The following CREB5 variants were observed in gnomAD, a reference collection of about 807,000 sequenced individuals.
CREB5 encodes cyclic AMP-responsive element-binding protein 5.
In CREB5, 19 loss-of-function variants were observed where a neutral mutation model predicts 57.1. The ratio of observed to expected loss-of-function variants is 0.33; its 90% confidence interval spans 0.23 to 0.49. CREB5 has a LOEUF of 0.49. Ranked by LOEUF, CREB5 falls within the 20% of genes least tolerant of loss-of-function variation. The pLI is 0.99. For synonymous variants in CREB5, 238 were observed against 238.3 expected, an observed-to-expected ratio of 1.00 and a Z score of 0.01; for missense variants, 579 against 671.6, an observed-to-expected ratio of 0.86 and a Z score of 1.52.
chr7:28,425,601 C>G (rs1421738346), intron 1 of CREB5, among the ~76,000 whole-genome samples: 2 of 152,112 alleles, frequency 1.3e-5, no homozygotes, highest in African/African-American at 2.4e-5. Flanking sequence ...TGAATTAGGT[C>G]TCAATAAAGC....
intron 1 of CREB5, among the ~76,000 whole-genome samples, chr7:28,405,934 C>T (rs193094608): frequency 6.6e-6 from 1 of 152,294 alleles, no homozygotes; most frequent in African/African-American, 2.4e-5. Flanking sequence ...AATGCCAAAC[C>T]TTGGAACTAA....
chr7:28,495,684 T>A (rs1792010927), intron 3 of CREB5, among the ~76,000 whole-genome samples: 1 of 152,192 alleles, frequency 6.6e-6, no homozygotes, highest in South Asian at 2.1e-4. Context: ...CAATATAGCA[T>A]GCATGTGAAA....
intron 1 of CREB5, among the ~76,000 whole-genome samples, chr7:28,349,740 G>A (rs1786151690): frequency 6.6e-6 from 1 of 152,154 alleles, no homozygotes; most frequent in African/African-American, 2.4e-5. Context: ...ACTGGGGGAT[G>A]TCACCATGAT....
chr7:28,703,924 T>TCATC (rs1343629517), intron 5 of CREB5, among the ~76,000 whole-genome samples: 2 of 152,344 alleles, frequency 1.3e-5, no homozygotes, highest in Non-Finnish European at 2.9e-5. Context: ...ATGGACTGGA[T>TCATC]CATCCATAGG....
chr7:28,410,498 T>A (rs1171329856), upstream of CREB5: 2 of 456,586 alleles, frequency 4.4e-6, no homozygotes, highest in Admixed American at 2.3e-5. Context: ...AGCAGCTGCA[T>A]CCCGCTTCTT....
chr7:28,756,292 C>T (rs2237352), intron 7 of CREB5, among the ~76,000 whole-genome samples: 69,742 of 151,858 alleles, frequency 0.46, 17,824 homozygotes, highest in East Asian at 0.83. Flanking sequence ...GTGGCTCACA[C>T]CTGTAATCCC....
At chr7:28,809,463 C>A in intron 9 of CREB5, 49 bp downstream of exon 9, 2 of 1,499,270 alleles carry the variant, frequency 1.3e-6, no homozygotes, top group South Asian at 1.3e-5. Flanking sequence ...CTCTGCTCCA[C>A]GGGCATTTCC....
chr7:28,441,682 C>T (rs1789189630), intron 1 of CREB5, among the ~76,000 whole-genome samples: 1 of 152,128 alleles, frequency 6.6e-6, no homozygotes, highest in Non-Finnish European at 1.5e-5. Context: ...GTTTAATCCT[C>T]ATAGCACCAG....
At chr7:28,342,943 C>CTT (rs869289099) in intron 1 of CREB5, among the ~76,000 whole-genome samples, 2 of 147,276 alleles carry the variant, frequency 1.4e-5, no homozygotes, top group African/African-American at 2.5e-5. Flanking sequence ...ATATGTAATA[C>CTT]TTTTTTTTTT....
rs1799378686 is a variant in CREB5, at chr7:28,657,560, CTCTACTAA to C, written c.465-61192_465-61185del. 9.2e-5 allele frequency among the ~76,000 whole-genome samples: 14 copies of C among 152,066 alleles called. 1 individual carries two copies. In the South Asian group the frequency reaches 2.9e-3, roughly 32 times the overall value. On this transcript the variant is annotated intron_variant, in intron 5 of 10. Coordinates refer to ENST00000357727, the MANE Select transcript of CREB5 (RefSeq NM_182898.4). ...CCTGGCCAATATAGTGAAACCCCGTCTCTACTAACAATACAAAAATTAGCCAGGTGCCT... is the reference window on the plus strand; with the variant it reads ...CCTGGCCAATATAGTGAAACCCCGTCCAATACAAAAATTAGCCAGGTGCCT...
intron 4 of CREB5, among the ~76,000 whole-genome samples, chr7:28,533,554 A>G (rs754568222): frequency 6.6e-6 from 1 of 152,230 alleles, no homozygotes; most frequent in Non-Finnish European, 1.5e-5. Flanking sequence ...GGAAGGACAT[A>G]GCATTTTAAA....
intron 5 of CREB5, among the ~76,000 whole-genome samples, chr7:28,676,389 T>G (rs1800322422): frequency 6.6e-6 from 1 of 152,186 alleles, no homozygotes; most frequent in Non-Finnish European, 1.5e-5. Flanking sequence ...AAAGAGTTGG[T>G]CAAATAGAAA....
In CREB5 at chr7:28,764,881, G is replaced by T. The variant is rs7791403; in HGVS notation, c.703-39318G>T. Among the ~76,000 whole-genome samples, 527 of 152,202 alleles carry T rather than the reference G, an allele frequency of 3.5e-3. 3 individuals carry two copies. The highest frequency in any genetic ancestry group is 0.011 in the African/African-American group (463 of 41,522). ...GAAGGGTCACTTTCACTTTGTTACC[G>T]TCTCATAAATTATCTTTAGTAACTT... On this transcript the variant is annotated intron_variant, in intron 7 of 10. Coordinates refer to ENST00000357727, the MANE Select transcript of CREB5 (RefSeq NM_182898.4).
At position 28,804,364 on chromosome 7, in the gene CREB5, TA is replaced by T; in HGVS notation, c.869del (p.Tyr290SerfsTer81). ...CCAGACACTGCCACCCCATCACCCT[TA>T]CCCACACCAGCACCAGCACCCAGCA... The part of the protein sequence containing the change: ...QHQTLPPHHP[Y>X]PHQHQHPAHH... On this transcript the variant is annotated frameshift_variant, in exon 8 of 11. Coordinates refer to ENST00000357727, the MANE Select transcript of CREB5 (RefSeq NM_182898.4). LOFTEE classifies it high-confidence loss of function. 1 of 1,613,120 alleles carries T rather than the reference TA, an allele frequency of 6.2e-7. No individual in the cohort carries two copies. Among genetic ancestry groups the T allele is most frequent in the Non-Finnish European group, 8.5e-7 (1 of 1,179,618 alleles).
At chr7:28,669,680 C>T (rs1799954577) in intron 5 of CREB5, among the ~76,000 whole-genome samples, 1 of 152,220 alleles carries the variant, frequency 6.6e-6, no homozygotes, top group South Asian at 2.1e-4. Flanking sequence ...TCAAGGGCAA[C>T]AGGGGACGGC....
At chr7:28,327,148 C>CAAAAAAAAAAAAA in intron 1 of CREB5, among the ~76,000 whole-genome samples, 1 of 69,230 alleles carries the variant, frequency 1.4e-5, no homozygotes, top group Non-Finnish European at 2.8e-5. Flanking sequence ...GACTCCATCT[C>CAAAAAAAAAAAAA]AAAAAAAAAA....
chr7:28,576,714 CA>C (rs1249309631), intron 5 of CREB5, among the ~76,000 whole-genome samples: 2 of 152,226 alleles, frequency 1.3e-5, no homozygotes, highest in African/African-American at 4.8e-5. Flanking sequence ...TGCCCAAATG[CA>C]ATTCAACTTC....
chr7:28,546,928 G>A (rs902020177), intron 4 of CREB5, among the ~76,000 whole-genome samples: 3 of 152,114 alleles, frequency 2.0e-5, no homozygotes, highest in Non-Finnish European at 2.9e-5. Flanking sequence ...GTGTATTGGG[G>A]GTCAGAACTA....
At position 28,560,871 on chromosome 7, in the gene CREB5, T is replaced by C. The variant is rs371145020; in HGVS notation, c.292-9494T>C. ...GCGTGTGTGTGTGCGTGTGCCTGCG[T>C]GCGCGTGCGTGCGTGCGTGTGTGTG... On this transcript the variant is annotated intron_variant, in intron 4 of 10. Coordinates refer to ENST00000357727, the MANE Select transcript of CREB5 (RefSeq NM_182898.4). Among the ~76,000 whole-genome samples, 67 of 37,990 alleles carry C rather than the reference T, an allele frequency of 1.8e-3. 3 individuals are homozygous for C. Among genetic ancestry groups the C allele is most frequent in the East Asian group, 0.014 (15 of 1,038 alleles). 24.9% of individuals were successfully genotyped at this position (37,990 alleles called of 152,430 possible). A position where few individuals can be genotyped will look rare whatever the true frequency, so the allele number is the denominator to read the frequency against.
Sources: gnomAD v4.1 joint callset for allele counts (sites outside exome capture counted in the v4.1 genomes callset) on GRCh38, gnomAD v4.1.1 for gene constraint, MANE v1.5 for transcripts, NCBI Gene and HGNC (gene_info 2026-07-23, HGNC 2026-07-21) for gene names.